Variants in ARHGAP6 observed in about 807,000 individuals in gnomAD.
ARHGAP6 encodes Rho GTPase activating protein 6.
ARHGAP6 carries 16 observed loss-of-function variants against 55.7 expected under a neutral mutation model. The ratio of observed to expected loss-of-function variants is 0.29; its 90% confidence interval spans 0.19 to 0.44. The LOEUF (loss-of-function observed/expected upper bound fraction) is 0.44, where lower values mean the gene tolerates loss of function less well. Among genes scored for constraint, ARHGAP6 ranks in the 20% least tolerant of loss-of-function variants. The pLI is 1.00. For synonymous variants in ARHGAP6, 382 were observed against 360.9 expected, an observed-to-expected ratio of 1.06 and a Z score of -0.66; for missense variants, 698 against 808.9, an observed-to-expected ratio of 0.86 and a Z score of 1.66.
At position 11,354,327 on chromosome X, in the gene ARHGAP6, CTATA is replaced by C. The variant is rs1174449401; in HGVS notation, c.589-99624_589-99621del. Among the ~76,000 whole-genome samples, 205 of 32,307 alleles carry C rather than the reference CTATA, an allele frequency of 6.3e-3. 2 individuals carry two copies. The highest frequency in any genetic ancestry group is 0.014 in the South Asian group (4 of 285). 28.1% of individuals were successfully genotyped at this position (32,307 alleles called of 115,157 possible). On this transcript the variant is annotated intron_variant, in intron 1 of 12. Transcript: ENST00000337414. ...TCTCTCTCTCTCTCTCTCTCTCTCT[CTATA>C]TATATATATATATATATATATATAT...
intron 1 of ARHGAP6, among the ~76,000 whole-genome samples, chrX:11,499,603 G>T (rs1296839795): frequency 6.3e-5 from 7 of 111,922 alleles, no homozygotes; most frequent in East Asian, 2.8e-4. Flanking sequence ...AAGAGCAAAG[G>T]TTTCTCCAAC....
At chrX:11,171,219 GA>G (rs757960133) in intron 8 of ARHGAP6, among the ~76,000 whole-genome samples, 85 of 108,750 alleles carry the variant, frequency 7.8e-4, no homozygotes, top group African/African-American at 2.5e-3. Context: ...TAAGCCAAAA[GA>G]AAAAAAAATG....
At chrX:11,324,596 TAA>T (rs112848771) in intron 1 of ARHGAP6, among the ~76,000 whole-genome samples, 19 of 100,315 alleles carry the variant, frequency 1.9e-4, no homozygotes, top group Non-Finnish European at 1.6e-4. Context: ...TTACTAATCT[TAA>T]AAAAAAAAAA....
intron 2 of ARHGAP6, among the ~76,000 whole-genome samples, chrX:11,242,261 T>C (rs112087243): frequency 0.027 from 3,002 of 111,915 alleles, 38 homozygotes; most frequent in Middle Eastern, 0.069. Context: ...AAACATGAGG[T>C]AGGGAAGCTG....
At chrX:11,446,725 C>G (rs1266605377) in intron 1 of ARHGAP6, among the ~76,000 whole-genome samples, 1 of 112,006 alleles carries the variant, frequency 8.9e-6, no homozygotes, top group African/African-American at 3.2e-5. Flanking sequence ...ATTTAATAGG[C>G]CTTAGTTGCA....
chrX:11,369,823 C>T (rs1490621034), intron 1 of ARHGAP6, among the ~76,000 whole-genome samples: 2 of 111,962 alleles, frequency 1.8e-5, no homozygotes, highest in South Asian at 3.7e-4. Context: ...TCAGAAGTTA[C>T]TTGTTTAGAT....
chrX:11,308,043 A>G (rs1251497077), intron 1 of ARHGAP6, among the ~76,000 whole-genome samples: 3 of 112,566 alleles, frequency 2.7e-5, no homozygotes, highest in Non-Finnish European at 5.6e-5. Flanking sequence ...CTTTATACCT[A>G]TGGTGGCATG....
At chrX:11,626,679 A>G (rs1601710122) in intron 1 of ARHGAP6, among the ~76,000 whole-genome samples, 2 of 111,763 alleles carry the variant, frequency 1.8e-5, no homozygotes, top group Middle Eastern at 4.2e-3. Flanking sequence ...AATCCATAAA[A>G]TTCATTACTC....
intron 1 of ARHGAP6, among the ~76,000 whole-genome samples, chrX:11,541,872 A>T (rs1320096225): frequency 8.9e-6 from 1 of 112,499 alleles, no homozygotes; most frequent in South Asian, 3.7e-4. Context: ...TTTTAAAATC[A>T]CTGCAAACAC....
rs772655551 is a variant in ARHGAP6 at position 11,138,986 on chromosome X, C to G, written c.2802G>C (p.Ala934=). The part of the protein sequence containing the change: ...KKLSSANSLP[A]GEQDSPRLGD... ...CCAGGCGCGGACTGTCCTGCTCGCCCGCTGGCAGGGAGTTGGCGCTGCTCA... is the reference window on the plus strand; with the variant it reads ...CCAGGCGCGGACTGTCCTGCTCGCCGGCTGGCAGGGAGTTGGCGCTGCTCA... Residue 934 remains alanine, a synonymous_variant, in exon 13 of 13, where the codon GCG becomes GCC. Transcript: ENST00000337414. 1 of 1,205,301 alleles carries G rather than the reference C, an allele frequency of 8.3e-7. No individual in the cohort carries two copies. The highest frequency in any genetic ancestry group is 1.1e-6 in the Non-Finnish European group (1 of 893,518).
intron 2 of ARHGAP6, among the ~76,000 whole-genome samples, chrX:11,222,949 A>C (rs772119644): frequency 8.9e-6 from 1 of 111,893 alleles, no homozygotes; most frequent in Non-Finnish European, 1.9e-5. Flanking sequence ...TTGCTGTTAT[A>C]CCAATTGGAA....
intron 2 of ARHGAP6, among the ~76,000 whole-genome samples, chrX:11,217,277 GA>G (rs1401416984): frequency 1.8e-5 from 2 of 111,738 alleles, no homozygotes; most frequent in Admixed American, 9.5e-5. Flanking sequence ...CTGGATCCTT[GA>G]GGAATCACCA....
chrX:11,606,081 T>C (rs972888013), intron 1 of ARHGAP6, among the ~76,000 whole-genome samples: 4 of 111,603 alleles, frequency 3.6e-5, no homozygotes, highest in African/African-American at 9.8e-5. Context: ...CTGTGATGAA[T>C]AGGATTTGGG....
chrX:11,517,332 G>A (rs767972450), intron 1 of ARHGAP6, among the ~76,000 whole-genome samples: 1 of 111,675 alleles, frequency 9.0e-6, no homozygotes, highest in Non-Finnish European at 1.9e-5. Context: ...ACATCAGGGG[G>A]CAGCGTATTA....
At chrX:11,420,897 A>G (rs1441143196) in intron 1 of ARHGAP6, among the ~76,000 whole-genome samples, 1 of 112,461 alleles carries the variant, frequency 8.9e-6, no homozygotes, top group Non-Finnish European at 1.9e-5. Context: ...TTCTGGCTAA[A>G]TCAGAAGAGA....
At chrX:11,333,615 G>A (rs773049835) in intron 1 of ARHGAP6, among the ~76,000 whole-genome samples, 28 of 112,400 alleles carry the variant, frequency 2.5e-4, no homozygotes, top group Admixed American at 1.9e-3. Context: ...TGTGCATAAG[G>A]AAAAGAATAG....
intron 1 of ARHGAP6, among the ~76,000 whole-genome samples, chrX:11,406,705 C>A (rs1406776960): frequency 1.8e-5 from 2 of 111,444 alleles, no homozygotes; most frequent in Non-Finnish European, 3.8e-5. Flanking sequence ...ATACTGTATC[C>A]CAGTGTCCAG....
chrX:11,561,905 A>T (rs2051388064), intron 1 of ARHGAP6, among the ~76,000 whole-genome samples: 1 of 112,213 alleles, frequency 8.9e-6, no homozygotes, highest in African/African-American at 3.2e-5. Context: ...GCAGTGAAAC[A>T]AATTCAGACG....
intron 1 of ARHGAP6, among the ~76,000 whole-genome samples, chrX:11,584,871 G>T (rs1235330058): frequency 1.8e-5 from 2 of 111,694 alleles, no homozygotes; most frequent in East Asian, 5.6e-4. Context: ...GGTTACATGT[G>T]CAAGTTCATT....
Sources: gnomAD v4.1 joint callset for allele counts (sites outside exome capture counted in the v4.1 genomes callset) on GRCh38, gnomAD v4.1.1 for gene constraint, MANE v1.5 for transcripts, NCBI Gene and HGNC (gene_info 2026-07-23, HGNC 2026-07-21) for gene names.